The following TAFA1 variants were observed in gnomAD, a reference collection of about 807,000 sequenced individuals.
TAFA1 encodes chemokine-like protein TAFA-1.
Under a neutral mutation model 18.5 loss-of-function variants are expected in TAFA1, and 4 were observed. The observed-to-expected ratio is 0.22, with a 90% CI of 0.11 to 0.49. TAFA1 has a LOEUF of 0.49. TAFA1 is among the 20% of genes least tolerant of loss of function. The pLI is 0.98. For synonymous variants in TAFA1, 56 were observed against 55.2 expected, an observed-to-expected ratio of 1.01 and a Z score of -0.06; for missense variants, 147 against 169.0, an observed-to-expected ratio of 0.87 and a Z score of 0.72.
chr3:68,501,522 G>A (rs1282049760), intron 3 of TAFA1, among the ~76,000 whole-genome samples: 1 of 152,094 alleles, frequency 6.6e-6, no homozygotes, highest in Non-Finnish European at 1.5e-5. Flanking sequence ...TTCCAGAAAT[G>A]GAAATGAAAA....
intron 3 of TAFA1, among the ~76,000 whole-genome samples, chr3:68,445,428 A>G (rs1234400310): frequency 2.6e-5 from 4 of 152,164 alleles, no homozygotes; most frequent in Admixed American, 2.6e-4. Flanking sequence ...TAGTCGACAA[A>G]TGAATAAATG....
intron 3 of TAFA1, among the ~76,000 whole-genome samples, chr3:68,452,409 G>T (rs1196021033): frequency 6.6e-6 from 1 of 151,398 alleles, no homozygotes; most frequent in Admixed American, 6.6e-5. Flanking sequence ...TATGGTCCTA[G>T]CTACTCGGGA....
At chr3:68,064,283 C>G (rs971926531) in intron 2 of TAFA1, among the ~76,000 whole-genome samples, 4 of 152,090 alleles carry the variant, frequency 2.6e-5, no homozygotes, top group African/African-American at 9.7e-5. Flanking sequence ...GGAGGACTCT[C>G]TGGGCTCTTT....
At chr3:68,019,279 G>GT (rs960148945) in intron 2 of TAFA1, among the ~76,000 whole-genome samples, 33 of 152,092 alleles carry the variant, frequency 2.2e-4, no homozygotes, top group African/African-American at 7.2e-4. Flanking sequence ...TGAAAGCATG[G>GT]TTTTTTTCCT....
chr3:68,191,260 C>G (rs1445425272), intron 2 of TAFA1, among the ~76,000 whole-genome samples: 1 of 151,686 alleles, frequency 6.6e-6, no homozygotes, highest in Non-Finnish European at 1.5e-5. Flanking sequence ...CATATGGAAT[C>G]CTCAACAACA....
chr3:68,496,145 G>A (rs1858375), intron 3 of TAFA1, among the ~76,000 whole-genome samples: 14 of 152,064 alleles, frequency 9.2e-5, no homozygotes, highest in African/African-American at 2.9e-4. Flanking sequence ...ACCCTTTTAC[G>A]CAGAAAGATC....
At chr3:68,334,894 A>G (rs2068944584) in intron 2 of TAFA1, among the ~76,000 whole-genome samples, 1 of 152,156 alleles carries the variant, frequency 6.6e-6, no homozygotes, top group Admixed American at 6.5e-5. Flanking sequence ...ACTTGACTCC[A>G]AGGTGTCACA....
chr3:68,533,929 A>T (rs971725766), intron 3 of TAFA1, among the ~76,000 whole-genome samples: 1 of 152,170 alleles, frequency 6.6e-6, no homozygotes, highest in Non-Finnish European at 1.5e-5. Context: ...GATATATATG[A>T]AGATGGCCAT....
intron 3 of TAFA1, among the ~76,000 whole-genome samples, chr3:68,458,064 C>A (rs2106914187): frequency 6.6e-6 from 1 of 152,234 alleles, no homozygotes; most frequent in Non-Finnish European, 1.5e-5. Flanking sequence ...TGAATTATAG[C>A]CCCCAGTGCT....
At chr3:68,505,390 T>C (rs1329905044) in intron 3 of TAFA1, among the ~76,000 whole-genome samples, 1 of 152,186 alleles carries the variant, frequency 6.6e-6, no homozygotes, top group Non-Finnish European at 1.5e-5. Context: ...GGTCACATTT[T>C]AAATTCATCT....
intron 3 of TAFA1, among the ~76,000 whole-genome samples, chr3:68,508,012 A>G (rs573606920): frequency 6.6e-6 from 1 of 152,274 alleles, no homozygotes; most frequent in East Asian, 1.9e-4. Context: ...GCTTACACAC[A>G]GGAATTATTT....
chr3:68,329,315 C>T (rs1289548735), intron 2 of TAFA1, among the ~76,000 whole-genome samples: 1 of 150,908 alleles, frequency 6.6e-6, no homozygotes, highest in Non-Finnish European at 1.5e-5. Context: ...ATCCACCTGC[C>T]TTGGCCTCCC....
rs147553030 is a variant in TAFA1 at position 68,394,898 on chromosome 3, T to C, written c.119-22382T>C. Among the ~76,000 whole-genome samples, 4 of 152,116 alleles carry C rather than the reference T, an allele frequency of 2.6e-5. No individual in the cohort carries two copies. The East Asian group carries it at 7.7e-4, about 29-fold the overall frequency. On this transcript the variant is annotated intron_variant, in intron 2 of 4. Coordinates refer to ENST00000478136, the MANE Select transcript of TAFA1 (RefSeq NM_213609.4). Reference sequence around the variant, plus strand: ...TCAGGATATAGGCACTGGCAAAGACTTCATGACTAAACACCAAAAGCAATT... The same window carrying C: ...TCAGGATATAGGCACTGGCAAAGACCTCATGACTAAACACCAAAAGCAATT...
chr3:68,527,658 T>A (rs895945310), intron 3 of TAFA1, among the ~76,000 whole-genome samples: 1 of 152,142 alleles, frequency 6.6e-6, no homozygotes, highest in Non-Finnish European at 1.5e-5. Context: ...CAATATATAT[T>A]GTCTGGTCTT....
intron 2 of TAFA1, among the ~76,000 whole-genome samples, chr3:68,244,222 C>G (rs1413775074): frequency 6.6e-6 from 1 of 152,176 alleles, no homozygotes; most frequent in Non-Finnish European, 1.5e-5. Context: ...CCCTTTTCAT[C>G]CCCTTCATGG....
chr3:68,493,772 G>C (rs1377670135), intron 3 of TAFA1, among the ~76,000 whole-genome samples: 2 of 152,180 alleles, frequency 1.3e-5, no homozygotes, highest in Non-Finnish European at 2.9e-5. Flanking sequence ...AATTTAAAAA[G>C]AAATTGAAGG....
intron 2 of TAFA1, among the ~76,000 whole-genome samples, chr3:68,234,253 G>A (rs2107122210): frequency 6.6e-6 from 1 of 152,300 alleles, no homozygotes; most frequent in East Asian, 1.9e-4. Context: ...CCTACAGAAA[G>A]AAGCTAGATA....
chr3:68,444,674 G>A (rs1051289174), intron 3 of TAFA1, among the ~76,000 whole-genome samples: 1 of 151,484 alleles, frequency 6.6e-6, no homozygotes, highest in Non-Finnish European at 1.5e-5. Flanking sequence ...GCTTATGTGT[G>A]TAATCTCAGC....
intron 2 of TAFA1, among the ~76,000 whole-genome samples, chr3:68,228,204 C>T (rs1264393022): frequency 6.6e-6 from 1 of 152,176 alleles, no homozygotes; most frequent in Non-Finnish European, 1.5e-5. Context: ...ATTGTAAGCC[C>T]TCTATAAATA....
Sources: gnomAD v4.1 joint callset for allele counts (sites outside exome capture counted in the v4.1 genomes callset) on GRCh38, gnomAD v4.1.1 for gene constraint, MANE v1.5 for transcripts, NCBI Gene and HGNC (gene_info 2026-07-23, HGNC 2026-07-21) for gene names.